Variants in PARD3 observed in about 807,000 individuals in gnomAD.
PARD3 encodes partitioning defective 3 homolog.
Under a neutral mutation model 155.4 loss-of-function variants are expected in PARD3, and 75 were observed. The ratio of observed to expected loss-of-function variants is 0.48; its 90% CI spans 0.40 to 0.58. The LOEUF (loss-of-function observed/expected upper bound fraction) is 0.58. Among genes scored for constraint, PARD3 ranks in the 20% least tolerant of loss-of-function variants. The pLI is 0.00. For missense variants in PARD3, 1,642 were observed against 1,721.7 expected (o/e 0.95, Z 0.82); for synonymous variants, 576 against 610.5 (o/e 0.94, Z 0.83).
chr10:34,240,975 G>A (rs978379558), intron 22 of PARD3, among the ~76,000 whole-genome samples: 7 of 152,266 alleles, frequency 4.6e-5, no homozygotes, highest in Middle Eastern at 3.4e-3. Flanking sequence ...TCTGCCAGCC[G>A]CTGTTTCGGG....
chr10:34,224,883 C>T (rs992627811), intron 22 of PARD3, among the ~76,000 whole-genome samples: 1 of 152,160 alleles, frequency 6.6e-6, no homozygotes, highest in African/African-American at 2.4e-5. Flanking sequence ...CAAAAAGCTA[C>T]AAAGCAGTCT....
At chr10:34,652,826 A>G (rs897743479) in intron 2 of PARD3, among the ~76,000 whole-genome samples, 2 of 152,252 alleles carry the variant, frequency 1.3e-5, no homozygotes, top group African/African-American at 4.8e-5. Flanking sequence ...TTCTTTAGTT[A>G]TAAGAAGGAG....
chr10:34,302,121 C>T (rs1411770275), intron 20 of PARD3, among the ~76,000 whole-genome samples: 2 of 152,114 alleles, frequency 1.3e-5, no homozygotes, highest in Non-Finnish European at 2.9e-5. Flanking sequence ...TTATGAGAGG[C>T]CACCTGCCTC....
intron 1 of PARD3, among the ~76,000 whole-genome samples, chr10:34,756,527 G>A (rs1043974882): frequency 1.4e-5 from 2 of 142,028 alleles, no homozygotes; most frequent in Non-Finnish European, 3.0e-5. Flanking sequence ...AGGCTGTGGC[G>A]TAGTGGTAGT....
intron 5 of PARD3, among the ~76,000 whole-genome samples, chr10:34,412,428 T>C (rs1051158242): frequency 6.6e-6 from 1 of 152,172 alleles, no homozygotes; most frequent in Non-Finnish European, 1.5e-5. Context: ...ACACTTTACC[T>C]CCCATTCCAC....
intron 10 of PARD3, among the ~76,000 whole-genome samples, chr10:34,376,351 A>G (rs1487288816): frequency 6.6e-6 from 1 of 152,226 alleles, no homozygotes; most frequent in East Asian, 1.9e-4. Context: ...GTGATAAAAG[A>G]AAAAAGTGAC....
At chr10:34,468,818 T>C (rs2078169022) in intron 4 of PARD3, among the ~76,000 whole-genome samples, 1 of 152,092 alleles carries the variant, frequency 6.6e-6, no homozygotes, top group African/African-American at 2.4e-5. Flanking sequence ...CAAACCAAAG[T>C]TGAAAGAAAT....
intron 22 of PARD3, among the ~76,000 whole-genome samples, chr10:34,163,401 G>A (rs1321974363): frequency 2.0e-5 from 3 of 152,106 alleles, no homozygotes; most frequent in African/African-American, 7.2e-5. Context: ...AAAAGATGAA[G>A]AAAGGGCATG....
At chr10:34,559,915 G>A (rs770746900) in intron 2 of PARD3, among the ~76,000 whole-genome samples, 14 of 152,134 alleles carry the variant, frequency 9.2e-5, no homozygotes, top group Admixed American at 3.3e-4. Flanking sequence ...AACTGAGATC[G>A]TTCACATTAT....
Position 34,143,311 on chromosome 10 carries a change from AAAC to A in PARD3, c.3420-11731_3420-11729del, listed in dbSNP as rs369606332. Among the ~76,000 whole-genome samples, 1,034 of 152,194 alleles carry A rather than the reference AAAC, an allele frequency of 6.8e-3. 8 individuals are homozygous for A. Among genetic ancestry groups the A allele is most frequent in the African/African-American group, 0.019 (780 of 41,534 alleles). On this transcript the variant is annotated intron_variant, in intron 22 of 24. Coordinates refer to ENST00000374788, the MANE Select transcript of PARD3 (RefSeq NM_001184785.2). The stretch of plus-strand genomic sequence containing the variant: ...GGCAACAGAGCAAGACTCTGTCTCA[AAAC>A]AACAACAACAACAACAAAAAACTGA...
Position 34,186,066 on chromosome 10 carries a change from G to A in PARD3, c.3420-54483C>T, listed in dbSNP as rs118024507. 3.0e-3 allele frequency among the ~76,000 whole-genome samples: 454 copies of A among 152,026 alleles called. 1 individual carries two copies. Among genetic ancestry groups the A allele is most frequent in the Admixed American group, 5.3e-3 (81 of 15,268 alleles). ...AGCTCAGCCTGAACTTGGGCCCAGGGAGCAGTCAGGACTTGGAGAAGGTTC... is the reference window on the plus strand; with the variant it reads ...AGCTCAGCCTGAACTTGGGCCCAGGAAGCAGTCAGGACTTGGAGAAGGTTC... On this transcript the variant is annotated intron_variant, in intron 22 of 24. Coordinates refer to ENST00000374788, the MANE Select transcript of PARD3 (RefSeq NM_001184785.2).
chr10:34,218,476 C>T (rs961869452), intron 22 of PARD3, among the ~76,000 whole-genome samples: 1 of 152,086 alleles, frequency 6.6e-6, no homozygotes, highest in African/African-American at 2.4e-5. Context: ...CTAACCACTC[C>T]GTCCCCACCC....
At chr10:34,291,081 A>G (rs1337983095) in intron 20 of PARD3, among the ~76,000 whole-genome samples, 1 of 152,238 alleles carries the variant, frequency 6.6e-6, no homozygotes, top group East Asian at 1.9e-4. Flanking sequence ...TTGGTGCAGA[A>G]CTAACTTCCC....
intron 1 of PARD3, among the ~76,000 whole-genome samples, chr10:34,801,937 T>A (rs965247550): frequency 4.6e-5 from 7 of 152,234 alleles, no homozygotes; most frequent in Non-Finnish European, 8.8e-5. Context: ...TAAAGGCCTT[T>A]AAAACATCTC....
intron 1 of PARD3, among the ~76,000 whole-genome samples, chr10:34,768,222 C>A (rs1284917352): frequency 6.6e-6 from 1 of 152,164 alleles, no homozygotes; most frequent in Non-Finnish European, 1.5e-5. Flanking sequence ...ACCTGTGACA[C>A]AGCCTCGGGA....
intron 15 of PARD3, chr10:34,346,361 C>T: frequency 1.5e-6 from 2 of 1,297,540 alleles, no homozygotes; most frequent in South Asian, 2.6e-5. Flanking sequence ...TTTTCGCCTT[C>T]CTCTGAAGCA....
At chr10:34,344,472 A>G (rs890123792) in intron 15 of PARD3, 1 of 579,666 alleles carries the variant, frequency 1.7e-6, no homozygotes, top group East Asian at 1.4e-4. Flanking sequence ...TCGTAGAGAC[A>G]GGGTTTCACA....
At chr10:34,629,622 C>T (rs2490806) in intron 2 of PARD3, among the ~76,000 whole-genome samples, 80,116 of 152,144 alleles carry the variant, frequency 0.53, 24,507 homozygotes, top group African/African-American at 0.86. Context: ...TGTACACAGA[C>T]TGATCAAAAT....
At chr10:34,695,477 C>CAAA (rs60331770) in intron 2 of PARD3, among the ~76,000 whole-genome samples, 32 of 109,504 alleles carry the variant, frequency 2.9e-4, no homozygotes, top group Non-Finnish European at 4.1e-4. Context: ...GACTCCATCT[C>CAAA]AAAAAAAAAA....
Sources: gnomAD v4.1 joint callset for allele counts (sites outside exome capture counted in the v4.1 genomes callset) on GRCh38, gnomAD v4.1.1 for gene constraint, MANE v1.5 for transcripts, NCBI Gene and HGNC (gene_info 2026-07-23, HGNC 2026-07-21) for gene names.